Variants in SLC2A1 observed in about 807,000 individuals in gnomAD.
SLC2A1 encodes solute carrier family 2, facilitated glucose transporter member 1.
In SLC2A1, 4 loss-of-function variants were observed where a neutral mutation model predicts 46.6. The ratio of observed to expected loss-of-function variants is 0.09; its 90% CI spans 0.04 to 0.20. The LOEUF is 0.20. Among genes scored for constraint, SLC2A1 ranks in the 10% least tolerant of loss-of-function variants. SLC2A1 has a pLI of 1.00. For missense variants in SLC2A1, 352 were observed against 667.0 expected, an observed-to-expected ratio of 0.53 and a Z score of 5.20; for synonymous variants, 253 against 270.0, an observed-to-expected ratio of 0.94 and a Z score of 0.62.
chr1:42,947,077 C>T (rs1643663901), intron 1 of SLC2A1, among the ~76,000 whole-genome samples: 1 of 152,218 alleles, frequency 6.6e-6, no homozygotes, highest in Non-Finnish European at 1.5e-5. Flanking sequence ...AAGCTACCCT[C>T]GATCGGGCAG....
At chr1:42,946,196 G>A (rs1643653240) in intron 1 of SLC2A1, among the ~76,000 whole-genome samples, 1 of 152,356 alleles carries the variant, frequency 6.6e-6, no homozygotes, top group South Asian at 2.1e-4. Context: ...TGGAGGCCAA[G>A]GACATACCCC....
chr1:42,957,467 G>C (rs1424701673), intron 1 of SLC2A1, among the ~76,000 whole-genome samples: 3 of 152,184 alleles, frequency 2.0e-5, no homozygotes, highest in Non-Finnish European at 4.4e-5. Flanking sequence ...AAAATTCAGT[G>C]CTACCCCCGC....
chr1:42,934,959 C>A (rs944797646), intron 2 of SLC2A1, among the ~76,000 whole-genome samples: 21 of 152,194 alleles, frequency 1.4e-4, no homozygotes, highest in African/African-American at 5.1e-4. Flanking sequence ...CCACAGTGAA[C>A]CACCCCTCAG....
rs1317333561 is a variant in SLC2A1 at position 42,952,287 on chromosome 1, G to A, written c.18+6347C>T. Reference sequence around the variant, plus strand: ...TCAGGATCAAGCCCACAAATAGCCCGGGCTTCTAGGCAGCACTGTGTCCCC... The same window carrying A: ...TCAGGATCAAGCCCACAAATAGCCCAGGCTTCTAGGCAGCACTGTGTCCCC... On this transcript the variant is annotated intron_variant, in intron 1 of 9. Coordinates refer to ENST00000426263, the MANE Select transcript of SLC2A1 (RefSeq NM_006516.4). The A allele has an allele frequency of 1.9e-5, 8 of 419,650 alleles. No homozygotes were observed. The East Asian group carries it at 2.8e-4, about 15-fold the overall frequency. 26.0% of individuals were successfully genotyped at this position (419,650 alleles called of 1,614,324 possible).
At chr1:42,942,684 T>C (rs1302683012) in intron 2 of SLC2A1, among the ~76,000 whole-genome samples, 1 of 151,826 alleles carries the variant, frequency 6.6e-6, no homozygotes, top group African/African-American at 2.4e-5. Context: ...TGGGTATGAG[T>C]GCAGGCTCAA....
At position 42,926,969 on chromosome 1, in the gene SLC2A1, A is replaced by G. The variant is rs1353695350; in HGVS notation, c.*72T>C. 26 of 1,579,624 alleles carry G rather than the reference A, an allele frequency of 1.6e-5. No individual in the cohort carries two copies. The highest frequency in any genetic ancestry group is 2.1e-5 in the Non-Finnish European group (24 of 1,161,036). Reference sequence around the variant, plus strand: ...GACATCTGTCAGGTTTGGAAGTCTCATCCAGCTGCCTGTGCTCCTGAGAGA... The same window carrying G: ...GACATCTGTCAGGTTTGGAAGTCTCGTCCAGCTGCCTGTGCTCCTGAGAGA... On this transcript the variant is annotated 3_prime_UTR_variant, in exon 10 of 10. Transcript: ENST00000426263.
chr1:42,952,372 T>G (rs1279974641), intron 1 of SLC2A1: 1 of 477,966 alleles, frequency 2.1e-6, no homozygotes, highest in Non-Finnish European at 4.2e-6. Context: ...AGCCTAGCGC[T>G]TGGCTGGAGG....
chr1:42,949,602 C>G (rs2124468413), intron 1 of SLC2A1, among the ~76,000 whole-genome samples: 1 of 152,300 alleles, frequency 6.6e-6, no homozygotes, highest in East Asian at 1.9e-4. Context: ...CCAGACACCC[C>G]TGGTTGCCCT....
chr1:42,947,375 C>T (rs187735592), intron 1 of SLC2A1, among the ~76,000 whole-genome samples: 4 of 152,210 alleles, frequency 2.6e-5, no homozygotes, highest in African/African-American at 9.6e-5. Flanking sequence ...GGCCTTTGCT[C>T]TTGCTATGTC....
At chr1:42,951,446 G>T (rs954377413) in intron 1 of SLC2A1, among the ~76,000 whole-genome samples, 2 of 152,196 alleles carry the variant, frequency 1.3e-5, no homozygotes, top group African/African-American at 4.8e-5. Context: ...TGTGCAGAGA[G>T]AAACACTGCC....
Position 42,933,392 on chromosome 1 carries a change from C to T in SLC2A1, c.115-2186G>A, listed in dbSNP as rs147442569. Among the ~76,000 whole-genome samples the T allele has an allele frequency of 2.5e-3, 387 of 152,186 alleles. 2 individuals carry two copies. Among genetic ancestry groups the T allele is most frequent in the Non-Finnish European group, 3.5e-3 (240 of 68,006 alleles). Reference sequence around the variant, plus strand: ...CCCTGGCCTTATTGCTGAAACCTTTCGAGATCCAGGTTTCCCTGACTCCAG... The same window carrying T: ...CCCTGGCCTTATTGCTGAAACCTTTTGAGATCCAGGTTTCCCTGACTCCAG... On this transcript the variant is annotated intron_variant, in intron 2 of 9. Coordinates refer to ENST00000426263, the MANE Select transcript of SLC2A1 (RefSeq NM_006516.4).
Position 42,926,633 on chromosome 1 carries a change from A to T in SLC2A1, c.*408T>A. ...AAGCTTTGTAGTTCATAGTTCGATT[A>T]GTGTGTCCTTAGGACATAGGTCCAG... On this transcript the variant is annotated 3_prime_UTR_variant, in exon 10 of 10. Transcript: ENST00000426263. 2.6e-6 allele frequency: 3 copies of T among 1,145,510 alleles called. No individual in the cohort carries two copies. The highest frequency in any genetic ancestry group is 2.3e-6 in the Non-Finnish European group (2 of 865,400). 71.0% of individuals were successfully genotyped at this position (1,145,510 alleles called of 1,614,324 possible). A position where few individuals can be genotyped will look rare whatever the true frequency, so the allele number is the denominator to read the frequency against.
chr1:42,926,674 G>A lies in SLC2A1; in HGVS notation c.*367C>T. 1 of 1,310,088 alleles carries A rather than the reference G, an allele frequency of 7.6e-7. No homozygotes were observed. Among genetic ancestry groups the A allele is most frequent in the Non-Finnish European group, 1.0e-6 (1 of 1,000,930 alleles). The allele number at this position is 1,310,088 out of a possible 1,614,324, so 81.2% of individuals were successfully genotyped here. A position where few individuals can be genotyped will look rare whatever the true frequency, so the allele number is the denominator to read the frequency against. Reference sequence around the variant, plus strand: ...ATAGGTCCAGCCCTACAGATTAGCTGGGTGAAGAAGGCAAGTGTCTCGACA... The same window carrying A: ...ATAGGTCCAGCCCTACAGATTAGCTAGGTGAAGAAGGCAAGTGTCTCGACA... On this transcript the variant is annotated 3_prime_UTR_variant, in exon 10 of 10. Coordinates refer to ENST00000426263, the MANE Select transcript of SLC2A1 (RefSeq NM_006516.4).
intron 1 of SLC2A1, among the ~76,000 whole-genome samples, chr1:42,944,628 C>CA (rs1553156939): frequency 6.6e-6 from 1 of 151,948 alleles, no homozygotes; most frequent in Non-Finnish European, 1.5e-5. Context: ...TCTCTGAAAG[C>CA]GTCAGTCAGG....
intron 2 of SLC2A1, among the ~76,000 whole-genome samples, chr1:42,932,099 C>T (rs897182253): frequency 2.0e-5 from 3 of 152,174 alleles, no homozygotes; most frequent in Admixed American, 6.5e-5. Flanking sequence ...GCTTTCTGTT[C>T]CCCAGGCCTA....
chr1:42,952,248 A>C, intron 1 of SLC2A1: 1 of 414,102 alleles, frequency 2.4e-6, no homozygotes, highest in Admixed American at 3.2e-5. Flanking sequence ...GAGACCATGC[A>C]GTGAAAATGA....
At position 42,926,740 on chromosome 1, in the gene SLC2A1, G is replaced by A. The variant is rs1398775212; in HGVS notation, c.*301C>T. 2 of 1,394,340 alleles carry A rather than the reference G, an allele frequency of 1.4e-6. No homozygotes were observed. The highest frequency in any genetic ancestry group is 2.9e-5 in the African/African-American group (2 of 69,746). The allele number at this position is 1,394,340 out of a possible 1,614,324, so 86.4% of individuals were successfully genotyped here. On this transcript the variant is annotated 3_prime_UTR_variant, in exon 10 of 10. Coordinates refer to ENST00000426263, the MANE Select transcript of SLC2A1 (RefSeq NM_006516.4). ...CCTCAGGCATGGAACCATTCAGGGT[G>A]AAGCCTGGGATGTGGGCACAGGAGA...
intron 1 of SLC2A1, chr1:42,952,157 G>A: frequency 1.9e-6 from 1 of 525,716 alleles, no homozygotes. Flanking sequence ...GTCTCAGGCT[G>A]TTCATTCTGG....
chr1:42,928,141 G>A (rs966212812), intron 8 of SLC2A1, among the ~76,000 whole-genome samples: 1 of 152,188 alleles, frequency 6.6e-6, no homozygotes, highest in African/African-American at 2.4e-5. Context: ...CTGGGGGTGG[G>A]GTGGATTCAG....
Sources: gnomAD v4.1 joint callset for allele counts (sites outside exome capture counted in the v4.1 genomes callset) on GRCh38, gnomAD v4.1.1 for gene constraint, MANE v1.5 for transcripts, NCBI Gene and HGNC (gene_info 2026-07-23, HGNC 2026-07-21) for gene names.